Variants in CPPED1 observed in about 807,000 individuals in gnomAD.
CPPED1 encodes serine/threonine-protein phosphatase CPPED1.
Under a neutral mutation model 28.0 loss-of-function variants are expected in CPPED1, and 28 were observed. The ratio of observed to expected loss-of-function variants is 1.00; its 90% CI spans 0.74 to 1.37. CPPED1 has a LOEUF of 1.37. Ranked by LOEUF, CPPED1 falls within the 40% of genes most tolerant of loss-of-function variation. CPPED1 has a pLI of 0.00. For synonymous variants in CPPED1, 198 were observed against 180.2 expected (o/e 1.10, Z -0.79); for missense variants, 504 against 416.5 (o/e 1.21, Z -1.83).
Position 12,661,326 on chromosome 16 carries a change from A to G in CPPED1, c.*3560T>C, listed in dbSNP as rs2079793023. 1 of 152,218 alleles carries G rather than the reference A, an allele frequency of 6.6e-6. No individual in the cohort carries two copies. Among genetic ancestry groups the G allele is most frequent in the Non-Finnish European group, 1.5e-5 (1 of 68,036 alleles). 9.4% of individuals were successfully genotyped at this position (152,218 alleles called of 1,614,324 possible). A position where few individuals can be genotyped will look rare whatever the true frequency, so the allele number is the denominator to read the frequency against. On this transcript the variant is annotated 3_prime_UTR_variant, in exon 4 of 4. Transcript: ENST00000381774. Reference sequence around the variant, plus strand: ...TGCCTTGTAACTCTGCAAGTGATCAATAATCTCTTAATACTGAAAATCACA... The same window carrying G: ...TGCCTTGTAACTCTGCAAGTGATCAGTAATCTCTTAATACTGAAAATCACA...
At chr16:12,733,860 A>G (rs1279507973) in intron 2 of CPPED1, among the ~76,000 whole-genome samples, 1 of 152,124 alleles carries the variant, frequency 6.6e-6, no homozygotes, top group Non-Finnish European at 1.5e-5. Context: ...CAGCTACTTG[A>G]CTTCTTAATC....
At chr16:12,779,866 C>T (rs900640491) in intron 2 of CPPED1, among the ~76,000 whole-genome samples, 1 of 152,110 alleles carries the variant, frequency 6.6e-6, no homozygotes, top group Non-Finnish European at 1.5e-5. Context: ...ACACCCACAC[C>T]CACTGCTGTG....
chr16:12,716,551 G>A (rs2080107998), intron 2 of CPPED1, among the ~76,000 whole-genome samples: 1 of 152,196 alleles, frequency 6.6e-6, no homozygotes, highest in Admixed American at 6.5e-5. Flanking sequence ...GCTACAGTCT[G>A]AACTCAGGTG....
At chr16:12,755,579 T>C (rs997076122) in intron 2 of CPPED1, among the ~76,000 whole-genome samples, 3 of 152,148 alleles carry the variant, frequency 2.0e-5, no homozygotes, top group Non-Finnish European at 4.4e-5. Context: ...TACCACACCC[T>C]GCCTCAATAT....
At chr16:12,770,205 G>C (rs1450651867) in intron 2 of CPPED1, among the ~76,000 whole-genome samples, 3 of 152,304 alleles carry the variant, frequency 2.0e-5, no homozygotes, top group East Asian at 3.9e-4. Context: ...GAACTGCTAA[G>C]AGAACGGCCT....
At chr16:12,759,949 G>C (rs968141032) in intron 2 of CPPED1, among the ~76,000 whole-genome samples, 6 of 152,206 alleles carry the variant, frequency 3.9e-5, no homozygotes, top group Non-Finnish European at 8.8e-5. Context: ...AAAGTACTGG[G>C]AGGTCAGAAA....
intron 2 of CPPED1, among the ~76,000 whole-genome samples, chr16:12,736,384 C>A (rs893548957): frequency 4.0e-5 from 6 of 151,874 alleles, no homozygotes; most frequent in Non-Finnish European, 7.4e-5. Flanking sequence ...AGATTACAGG[C>A]ACATACCACC....
intron 2 of CPPED1, among the ~76,000 whole-genome samples, chr16:12,779,715 T>G (rs117751320): frequency 6.6e-6 from 1 of 151,608 alleles, no homozygotes; most frequent in East Asian, 1.9e-4. Context: ...TCTAGATAAG[T>G]GGGCTGCCAG....
At chr16:12,718,897 A>G (rs2080122450) in intron 2 of CPPED1, among the ~76,000 whole-genome samples, 1 of 152,164 alleles carries the variant, frequency 6.6e-6, no homozygotes, top group African/African-American at 2.4e-5. Flanking sequence ...CAGGAGGGGT[A>G]GGTTGCAGTG....
At chr16:12,665,214 T>C (rs187152714) in intron 3 of CPPED1, 99 bp from the exon 4 acceptor site, 52 of 977,096 alleles carry the variant, frequency 5.3e-5, no homozygotes, top group Middle Eastern at 2.9e-4. Context: ...ATATTAAATA[T>C]ATTATTATAC....
intron 2 of CPPED1, among the ~76,000 whole-genome samples, chr16:12,720,553 T>C (rs983949009): frequency 6.6e-6 from 1 of 152,230 alleles, no homozygotes; most frequent in Admixed American, 6.5e-5. Context: ...ACTGGCGCAA[T>C]CTTGGCTCAC....
intron 2 of CPPED1, among the ~76,000 whole-genome samples, chr16:12,740,211 C>G (rs868693088): frequency 6.6e-6 from 1 of 151,960 alleles, no homozygotes; most frequent in African/African-American, 2.4e-5. Flanking sequence ...TTTTGGGAGG[C>G]TGAGGTGGGC....
At chr16:12,694,002 T>TA (rs1488028510) in intron 3 of CPPED1, among the ~76,000 whole-genome samples, 9 of 152,184 alleles carry the variant, frequency 5.9e-5, no homozygotes, top group Non-Finnish European at 1.2e-4. Context: ...GGTCAGGAGT[T>TA]AGAGACCAGC....
At chr16:12,773,773 G>A (rs1408921862) in intron 2 of CPPED1, among the ~76,000 whole-genome samples, 2 of 152,150 alleles carry the variant, frequency 1.3e-5, no homozygotes, top group Non-Finnish European at 1.5e-5. Flanking sequence ...AATAAAAAGT[G>A]TCTGTCTCAG....
At chr16:12,706,657 C>A (rs2080052769) in intron 2 of CPPED1, among the ~76,000 whole-genome samples, 1 of 151,508 alleles carries the variant, frequency 6.6e-6, no homozygotes, top group Non-Finnish European at 1.5e-5. Flanking sequence ...AATGTTTGGA[C>A]TGGCAGCCCC....
chr16:12,721,172 A>G (rs2080137865), intron 2 of CPPED1, among the ~76,000 whole-genome samples: 1 of 152,176 alleles, frequency 6.6e-6, no homozygotes, highest in African/African-American at 2.4e-5. Context: ...TCTGAAGGGA[A>G]AATGACCACT....
At chr16:12,667,006 G>C (rs182191273) in intron 3 of CPPED1, among the ~76,000 whole-genome samples, 27 of 150,712 alleles carry the variant, frequency 1.8e-4, no homozygotes, top group Admixed American at 1.8e-3. Flanking sequence ...TGACTTCCCC[G>C]ATATTACCAT....
intron 2 of CPPED1, among the ~76,000 whole-genome samples, chr16:12,715,010 A>T (rs2080100089): frequency 6.6e-6 from 1 of 151,762 alleles, no homozygotes; most frequent in African/African-American, 2.4e-5. Flanking sequence ...ACTCTTTTGC[A>T]TGTGGATATC....
At chr16:12,691,675 A>C (rs575583020) in intron 3 of CPPED1, among the ~76,000 whole-genome samples, 104 of 152,212 alleles carry the variant, frequency 6.8e-4, no homozygotes, top group Admixed American at 2.7e-3. Flanking sequence ...ACACGGATGA[A>C]GCTGGAACCC....
Sources: allele counts gnomAD v4.1 joint callset (sites outside exome capture counted in the v4.1 genomes callset), GRCh38; gene constraint gnomAD v4.1.1; transcripts MANE v1.5; gene names NCBI Gene and HGNC (gene_info 2026-07-23, HGNC 2026-07-21).